Variants in SDF4 observed in about 807,000 individuals in gnomAD.
SDF4 encodes 45 kDa calcium-binding protein.
Under a neutral mutation model 34.2 loss-of-function variants are expected in SDF4, and 22 were observed. The observed-to-expected ratio is 0.64, with a 90% CI of 0.46 to 0.92. SDF4 has a LOEUF of 0.92. Ranked by LOEUF, SDF4 falls within the 40% of genes least tolerant of loss-of-function variation. SDF4 has a pLI of 0.00. For missense variants in SDF4, 447 were observed against 499.9 expected (o/e 0.89, Z 1.01); for synonymous variants, 236 against 203.1 (o/e 1.16, Z -1.38).
At chr1:1,224,099 G>A in intron 2 of SDF4, 131 bp from the exon 3 acceptor site, 2 of 1,497,234 alleles carry the variant, frequency 1.3e-6, no homozygotes, top group Admixed American at 2.0e-5. Context: ...GCTCCACCAG[G>A]CAACGCGAAA....
At chr1:1,230,767 G>A (rs964602761) in intron 1 of SDF4, among the ~76,000 whole-genome samples, 1 of 152,204 alleles carries the variant, frequency 6.6e-6, no homozygotes, top group African/African-American at 2.4e-5. Flanking sequence ...CTGATTTTCT[G>A]AACATGGCTG....
At chr1:1,229,048 G>A (rs1638409018) in intron 1 of SDF4, 102 bp from the exon 2 acceptor site, 3 of 533,862 alleles carry the variant, frequency 5.6e-6, no homozygotes, top group African/African-American at 1.9e-5. Flanking sequence ...ACAGGATCCA[G>A]ACATGTGGCA....
At chr1:1,220,460 G>A (rs1313231490) in intron 4 of SDF4, 7 of 1,189,278 alleles carry the variant, frequency 5.9e-6, no homozygotes, top group Non-Finnish European at 7.4e-6. Flanking sequence ...AGTGACGCCT[G>A]CCAGCGCTTC....
chr1:1,219,488 G>A (rs1649779950), intron 4 of SDF4: 1 of 997,600 alleles, frequency 1.0e-6, no homozygotes, highest in East Asian at 1.1e-4. Flanking sequence ...CGGGGCGAAG[G>A]ACTCACTGCC....
chr1:1,223,787 CCCGCCCCGCCCA>C (rs745423534), intron 3 of SDF4, 33 bp downstream of exon 3: 77 of 368,470 alleles, frequency 2.1e-4, no homozygotes, highest in African/African-American at 1.5e-3. Context: ...CATGGCCCTG[CCCGCCCCGCCCA>C]CCGCCCCACC....
rs533898762 is a variant in SDF4 at position 1,228,639 on chromosome 1, T to C, written c.134A>G (p.Glu45Gly). The C allele has an allele frequency of 6.2e-7, 1 of 1,613,176 alleles. No homozygotes were observed. The highest frequency in any genetic ancestry group is 1.3e-5 in the African/African-American group (1 of 75,030). ...GTCTGGGGGCAGGATCTCATTCTCCTCCCTGTTGGCTACTCTCTCTCGAGT... is the reference window on the plus strand; with the variant it reads ...GTCTGGGGGCAGGATCTCATTCTCCCCCCTGTTGGCTACTCTCTCTCGAGT... ...SSTRERVANR[E>G]ENEILPPDHL... The change falls in exon 2 of 7, where the codon GAG becomes GGG. Residue 45 changes from glutamate to glycine, a missense_variant. Physicochemically the swap from Glu to Gly is moderately conservative, Grantham distance 98. Transcript: ENST00000360001.
Position 1,228,561 on chromosome 1 carries a change from T to C in SDF4, c.212A>G (p.His71Arg). 6 of 1,613,092 alleles carry C rather than the reference T, an allele frequency of 3.7e-6. No individual in the cohort carries two copies. The highest frequency in any genetic ancestry group is 5.1e-6 in the Non-Finnish European group (6 of 1,180,006). ...EMDGHLNRGF[H>R]QEVFLGKDLG... ...GTCCTTGCCTAGGAAGACCTCCTGG[T>C]GGAAGCCGCGATTGAGGTGCCCGTC... Residue 71 changes from histidine (H) to arginine (R), a missense_variant, in exon 2 of 7, where the codon CAC becomes CGC. Physicochemically the swap from His to Arg is conservative, Grantham distance 29. Transcript: ENST00000360001.
intron 2 of SDF4, among the ~76,000 whole-genome samples, chr1:1,226,051 G>T (rs951755025): frequency 1.3e-5 from 2 of 152,372 alleles, no homozygotes; most frequent in South Asian, 4.1e-4. Flanking sequence ...GTGCACACAC[G>T]CATGTTATCA....
Position 1,217,443 on chromosome 1 carries a change from G to T in SDF4, c.*69C>A. On this transcript the variant is annotated 3_prime_UTR_variant, in exon 7 of 7. Coordinates refer to ENST00000360001, the MANE Select transcript of SDF4 (RefSeq NM_016176.6). The surrounding 1 kb of genome is among the most constrained non-coding windows in gnomAD (Gnocchi z 8.5). Reference sequence around the variant, plus strand: ...AAGAGGTGGGGTCCGGGACAGCCACGGAGCCCGGAGTCACCCGCGAGGCCG... The same window carrying T: ...AAGAGGTGGGGTCCGGGACAGCCACTGAGCCCGGAGTCACCCGCGAGGCCG... 1 of 1,292,366 alleles carries T rather than the reference G, an allele frequency of 7.7e-7. No individual in the cohort carries two copies. Among genetic ancestry groups the T allele is most frequent in the Non-Finnish European group, 1.0e-6 (1 of 1,003,104 alleles). 80.1% of individuals were successfully genotyped at this position (1,292,366 alleles called of 1,614,324 possible).
At chr1:1,219,136 C>G in intron 4 of SDF4, 2 of 1,466,194 alleles carry the variant, frequency 1.4e-6, no homozygotes, top group Non-Finnish European at 1.8e-6. Flanking sequence ...GAGCCTCCCA[C>G]AGGCCTGATC....
At chr1:1,229,019 T>C (rs1638407856) in intron 1 of SDF4, 73 bp from the exon 2 acceptor site, 1 of 566,780 alleles carries the variant, frequency 1.8e-6, no homozygotes, top group Non-Finnish European at 3.1e-6. Flanking sequence ...TCCTGCAACA[T>C]GAAACATATC....
Position 1,228,883 on chromosome 1 carries a change from C to T in SDF4, c.-111G>A, listed in dbSNP as rs1462183144. The T allele has an allele frequency of 4.2e-5, 42 of 1,011,746 alleles. No homozygotes were observed. Among genetic ancestry groups the T allele is most frequent in the East Asian group, 3.1e-4 (12 of 38,208 alleles). 62.7% of individuals were successfully genotyped at this position (1,011,746 alleles called of 1,614,324 possible). On this transcript the variant is annotated 5_prime_UTR_variant, in exon 2 of 7. Coordinates refer to ENST00000360001, the MANE Select transcript of SDF4 (RefSeq NM_016176.6). ...GAGGTCCTGGCTCCAATCCAATCCC[C>T]GGGCACCACGGAGGGCTCTGTGTCC...
intron 2 of SDF4, 85 bp downstream of exon 2, chr1:1,228,382 GC>G (rs1301690435): frequency 1.4e-6 from 2 of 1,401,560 alleles, no homozygotes; most frequent in Non-Finnish European, 9.5e-7. Context: ...AGGGCCCGGC[GC>G]CCCCCACCGC....
chr1:1,227,150 G>C (rs1486841973), intron 2 of SDF4: 2 of 152,916 alleles, frequency 1.3e-5, no homozygotes, highest in Middle Eastern at 3.1e-3. Context: ...CTGGCCCTCA[G>C]CCCAAGGGCC....
chr1:1,228,281 G>A (rs970397743), intron 2 of SDF4, among the ~76,000 whole-genome samples, 187 bp downstream of exon 2: 2 of 152,232 alleles, frequency 1.3e-5, no homozygotes, highest in Non-Finnish European at 2.9e-5. Context: ...GAGCGGCTCT[G>A]GGCTGCCAGC....
chr1:1,220,201 C>A (rs957561777), intron 4 of SDF4: 1 of 992,358 alleles, frequency 1.0e-6, no homozygotes, highest in African/African-American at 1.7e-5. Flanking sequence ...ACGAGCCGGG[C>A]CTCTGCTGTT....
At chr1:1,231,794 G>C (rs924367158) in intron 1 of SDF4, 98 bp downstream of exon 1, 8 of 152,248 alleles carry the variant, frequency 5.3e-5, no homozygotes, top group African/African-American at 1.9e-4. Context: ...CCAGCCCAAG[G>C]CGGGAGGCGG....
chr1:1,228,998 A>G (rs1193113818), intron 1 of SDF4, 52 bp from the exon 2 acceptor site: 3 of 580,974 alleles, frequency 5.2e-6, no homozygotes, highest in East Asian at 2.8e-5. Flanking sequence ...AGACTTCCCC[A>G]AGCACGTCTA....
At chr1:1,229,140 G>A (rs1638413721) in intron 1 of SDF4, among the ~76,000 whole-genome samples, 194 bp from the exon 2 acceptor site, 1 of 151,756 alleles carries the variant, frequency 6.6e-6, no homozygotes, top group Admixed American at 6.6e-5. Flanking sequence ...CGTGGCATTT[G>A]TTTTCTCTGG....
Sources: allele counts gnomAD v4.1 joint callset (sites outside exome capture counted in the v4.1 genomes callset), GRCh38; gene constraint gnomAD v4.1.1; non-coding constraint Gnocchi (gnomAD v3.1); transcripts MANE v1.5; gene names NCBI Gene and HGNC (gene_info 2026-07-23, HGNC 2026-07-21).